Variants in SMC3 observed in about 807,000 individuals in gnomAD.
The protein encoded by SMC3 is structural maintenance of chromosomes 3.
SMC3 carries 20 observed loss-of-function variants against 171.8 expected under a neutral mutation model. The ratio of observed to expected loss-of-function variants is 0.12; its 90% CI spans 0.08 to 0.17. The LOEUF (loss-of-function observed/expected upper bound fraction) is 0.17. Ranked by LOEUF, SMC3 falls within the 10% of genes least tolerant of loss-of-function variation. SMC3 has a pLI of 1.00. For missense variants in SMC3, 543 were observed against 1,420.4 expected (o/e 0.38, Z 9.93); for synonymous variants, 464 against 451.1 (o/e 1.03, Z -0.36).
chr10:110,597,142 TCA>T (rs1491094762), intron 19 of SMC3, among the ~76,000 whole-genome samples: 1 of 23,976 alleles, frequency 4.2e-5, no homozygotes, highest in Non-Finnish European at 1.3e-4. Context: ...GGACCCTGTC[TCA>T]AAAAAAAAAA....
intron 4 of SMC3, among the ~76,000 whole-genome samples, chr10:110,577,177 T>C (rs1165159523): frequency 6.6e-6 from 1 of 152,162 alleles, no homozygotes; most frequent in Non-Finnish European, 1.5e-5. Flanking sequence ...GTTGTCCTAA[T>C]CTAACGTCTC....
intron 8 of SMC3, among the ~76,000 whole-genome samples, 182 bp from the exon 9 acceptor site, chr10:110,581,741 T>C (rs139085331): frequency 6.6e-6 from 1 of 152,232 alleles, no homozygotes; most frequent in East Asian, 1.9e-4. Flanking sequence ...CAGAAAAAAA[T>C]TTGCAACCTC....
intron 12 of SMC3, 41 bp downstream of exon 12, chr10:110,584,003 A>G: frequency 1.2e-6 from 2 of 1,609,264 alleles, no homozygotes; most frequent in Non-Finnish European, 1.7e-6. Flanking sequence ...TCTACATCAT[A>G]TTATGTAAAA....
At chr10:110,582,817 A>G (rs1357461128) in intron 10 of SMC3, among the ~76,000 whole-genome samples, 175 bp downstream of exon 10, 1 of 152,024 alleles carries the variant, frequency 6.6e-6, no homozygotes, top group Non-Finnish European at 1.5e-5. Context: ...ACAGGTGTGT[A>G]CCACCACACC....
intron 2 of SMC3, among the ~76,000 whole-genome samples, chr10:110,573,465 G>A (rs942844928): frequency 6.6e-6 from 1 of 152,054 alleles, no homozygotes; most frequent in African/African-American, 2.4e-5. Flanking sequence ...TATTGGGTAA[G>A]AGCAAACGGA....
intron 7 of SMC3, among the ~76,000 whole-genome samples, chr10:110,579,165 A>C (rs928811234): frequency 6.6e-6 from 1 of 152,174 alleles, no homozygotes; most frequent in Non-Finnish European, 1.5e-5. Context: ...CCAAACTACA[A>C]ACTTTTTTAG....
chr10:110,599,551 A>G (rs750674766), intron 20 of SMC3, 103 bp from the exon 21 acceptor site: 4 of 975,874 alleles, frequency 4.1e-6, no homozygotes, highest in Middle Eastern at 2.2e-4. Context: ...TTGAGTTGAT[A>G]TGTCTATATA....
chr10:110,596,305 A>T (rs950418324), intron 18 of SMC3, 93 bp from the exon 19 acceptor site: 2 of 1,198,004 alleles, frequency 1.7e-6, no homozygotes, highest in Non-Finnish European at 2.4e-6. Context: ...CTCATTATCT[A>T]CTTAAAGCCT....
At chr10:110,593,892 G>A (rs1202564083) in intron 18 of SMC3, among the ~76,000 whole-genome samples, 3 of 151,804 alleles carry the variant, frequency 2.0e-5, no homozygotes, top group Non-Finnish European at 2.9e-5. Context: ...GAAGGCTGAG[G>A]CATGAGAATG....
intron 18 of SMC3, among the ~76,000 whole-genome samples, chr10:110,595,718 TA>T (rs1175248923): frequency 6.9e-6 from 1 of 143,914 alleles, no homozygotes; most frequent in African/African-American, 2.6e-5. Flanking sequence ...TTTCATTTTT[TA>T]AAAAAGTATC....
chr10:110,568,863 CAAG>C (rs1286364864), intron 1 of SMC3, 72 bp from the exon 2 acceptor site: 10 of 752,356 alleles, frequency 1.3e-5, no homozygotes, highest in Admixed American at 9.1e-5. Flanking sequence ...AAATGAAAAA[CAAG>C]AAAGAAATGC....
chr10:110,602,111 C>T lies in SMC3; in HGVS notation c.3038C>T (p.Ser1013Leu). ...GAAGAGTTAGATAGGGGTTACAAATCAATCATGGAACTGATGAATGTACTT... is the reference window on the plus strand; with the variant it reads ...GAAGAGTTAGATAGGGGTTACAAATTAATCATGGAACTGATGAATGTACTT... ...RQEELDRGYK[S>L]IMELMNVLEL... is the part of the protein sequence containing the mutation. The change falls in exon 25 of 29, where the codon TCA becomes TTA. Residue 1013 changes from serine to leucine, a missense_variant. By Grantham distance (145) the Ser-to-Leu change is moderately radical. This residue lies in a region of SMC3 where 81 missense variants were observed against 184.2 expected (regional missense o/e 0.44). Coordinates refer to ENST00000361804, the MANE Select transcript of SMC3 (RefSeq NM_005445.4). The T allele has an allele frequency of 1.2e-6, 2 of 1,613,604 alleles. No individual in the cohort carries two copies. Among genetic ancestry groups the T allele is most frequent in the Non-Finnish European group, 1.7e-6 (2 of 1,179,672 alleles).
intron 17 of SMC3, 123 bp downstream of exon 17, chr10:110,591,255 T>C (rs1389658400): frequency 2.0e-6 from 2 of 992,692 alleles, no homozygotes; most frequent in Non-Finnish European, 3.0e-6. Context: ...GATAAAAATA[T>C]CTGTCTTCCC....
At position 110,596,576 on chromosome 10, in the gene SMC3, A is replaced by G. The variant is rs780899511; in HGVS notation, c.2116+26A>G. On this transcript the variant is annotated intron_variant, in intron 19 of 28. Coordinates refer to ENST00000361804, the MANE Select transcript of SMC3 (RefSeq NM_005445.4). ...ATATCTTTTTGTTTTGTGCATAGTG[A>G]TAGATATTGTGGGGGAAGAACTGTG... 1.3e-5 allele frequency: 21 copies of G among 1,606,636 alleles called. 1 individual carries two copies. The highest frequency in any genetic ancestry group is 8.0e-5 in the African/African-American group (6 of 74,758).
chr10:110,584,520 C>T lies in SMC3; in HGVS notation c.1305+124C>T, dbSNP rs572292826. ...TTGCTCTTAAAATATATGACAGATA[C>T]TTATTTAGAAAAGGCCTGCACAGTT... is the stretch of plus-strand genomic sequence containing the variant. On this transcript the variant is annotated intron_variant, in intron 13 of 28. Coordinates refer to ENST00000361804, the MANE Select transcript of SMC3 (RefSeq NM_005445.4). 3.0e-5 allele frequency: 21 copies of T among 689,418 alleles called. No homozygotes were observed. In the South Asian group the frequency reaches 3.2e-4, roughly 11 times the overall value. The allele number at this position is 689,418 out of a possible 1,614,324, so 42.7% of individuals were successfully genotyped here.
In SMC3 at chr10:110,573,831, T is replaced by C; in HGVS notation, c.130+86T>C. 3.1e-6 allele frequency: 3 copies of C among 955,932 alleles called. No homozygotes were observed. The South Asian group carries it at 4.0e-5, about 13-fold the overall frequency. 59.2% of individuals were successfully genotyped at this position (955,932 alleles called of 1,614,324 possible). Reference sequence around the variant, plus strand: ...TAAAATCATTAATTTTCTGAGGTTATGTATTCATGAAACCCAAGAAATACT... The same window carrying C: ...TAAAATCATTAATTTTCTGAGGTTACGTATTCATGAAACCCAAGAAATACT... On this transcript the variant is annotated intron_variant, in intron 3 of 28. Transcript: ENST00000361804.
At position 110,599,856 on chromosome 10, in the gene SMC3, C is replaced by A. The variant is rs1322078476; in HGVS notation, c.2427+44C>A. The A allele has an allele frequency of 2.5e-6, 4 of 1,592,200 alleles. No individual in the cohort carries two copies. In the East Asian group the frequency reaches 8.9e-5, roughly 36 times the overall value. On this transcript the variant is annotated intron_variant, in intron 21 of 28. Coordinates refer to ENST00000361804, the MANE Select transcript of SMC3 (RefSeq NM_005445.4). ...GGAAAAAGAATTCGTTAGTAATTGGCTATTGTGAAAAGGGCCTTTCTTGCT... is the reference window on the plus strand; with the variant it reads ...GGAAAAAGAATTCGTTAGTAATTGGATATTGTGAAAAGGGCCTTTCTTGCT...
chr10:110,604,254 A>G lies in SMC3; in HGVS notation c.3606A>G (p.Thr1202=), dbSNP rs905515705. The change falls in exon 29 of 29, where the codon ACA becomes ACG. Residue 1202 remains threonine (T), a synonymous_variant. Transcript: ENST00000361804. ...AGGTTAGTCATATTGATGTGATCACAGCAGAGATGGCCAAAGACTTTGTAG... is the reference window on the plus strand; with the variant it reads ...AGGTTAGTCATATTGATGTGATCACGGCAGAGATGGCCAAAGACTTTGTAG... ...RNKVSHIDVI[T]AEMAKDFVED... 1.9e-6 allele frequency: 3 copies of G among 1,611,332 alleles called. No individual in the cohort carries two copies. Among genetic ancestry groups the G allele is most frequent in the Non-Finnish European group, 2.5e-6 (3 of 1,179,198 alleles).
At chr10:110,597,678 T>A (rs7098032) in intron 19 of SMC3, among the ~76,000 whole-genome samples, 7,983 of 152,306 alleles carry the variant, frequency 0.052, 678 homozygotes, top group African/African-American at 0.18. Context: ...AAGGAGGATG[T>A]TGACAGTGTA....
Sources: gnomAD v4.1 joint callset for allele counts (sites outside exome capture counted in the v4.1 genomes callset) on GRCh38, gnomAD v4.1.1 for gene constraint, gnomAD v4.1.1 regional missense constraint, MANE v1.5 for transcripts, NCBI Gene and HGNC (gene_info 2026-07-23, HGNC 2026-07-21) for gene names.